Variants in VWC2 observed in about 807,000 individuals in gnomAD.
VWC2 encodes the protein von Willebrand factor C domain containing 2.
VWC2 carries 14 observed loss-of-function variants against 29.8 expected under a neutral mutation model. That is an observed-to-expected ratio of 0.47 (90% CI 0.31 to 0.74). The LOEUF is 0.74. Ranked by LOEUF, VWC2 falls within the 30% of genes least tolerant of loss-of-function variation. The pLI, the probability that VWC2 is intolerant of heterozygous loss-of-function variation, is 0.05. For missense variants in VWC2, 457 were observed against 459.8 expected (o/e 0.99, Z 0.05); for synonymous variants, 213 against 199.0 (o/e 1.07, Z -0.59).
At chr7:49,781,232 G>A (rs904695957) in intron 2 of VWC2, among the ~76,000 whole-genome samples, 6 of 151,808 alleles carry the variant, frequency 4.0e-5, no homozygotes, top group African/African-American at 1.5e-4. Context: ...TGTGTCTAAA[G>A]CCATTTAAAC....
rs10282284 is a variant in VWC2 at position 49,803,316 on chromosome 7, T to C, written c.826+476T>C. Among the ~76,000 whole-genome samples, 889 of 152,334 alleles carry C rather than the reference T, an allele frequency of 5.8e-3. 4 individuals carry two copies. Among genetic ancestry groups the C allele is most frequent in the Admixed American group, 8.3e-3 (127 of 15,304 alleles). On this transcript the variant is annotated intron_variant, in intron 3 of 3. Transcript: ENST00000340652. ...GGTAGATCAGAAGCCTTGCTTACTT[T>C]ATGAAAATGAAGTGGCAGGATGTCC...
At chr7:49,846,257 C>T (rs1397132236) in intron 3 of VWC2, among the ~76,000 whole-genome samples, 3 of 152,096 alleles carry the variant, frequency 2.0e-5, no homozygotes, top group East Asian at 1.9e-4. Context: ...ACCTGCATGT[C>T]GCCACTTCCT....
At chr7:49,774,983 C>G (rs1049952739) in intron 1 of VWC2, among the ~76,000 whole-genome samples, 1 of 152,174 alleles carries the variant, frequency 6.6e-6, no homozygotes, top group Non-Finnish European at 1.5e-5. Flanking sequence ...GGGAGGGACA[C>G]CCTGGGTGCC....
At chr7:49,778,511 T>A (rs1360403785) in intron 2 of VWC2, among the ~76,000 whole-genome samples, 2 of 152,250 alleles carry the variant, frequency 1.3e-5, no homozygotes, top group Admixed American at 1.3e-4. Context: ...AGAGCATGTT[T>A]GCTCATTTTT....
At chr7:49,788,117 T>C (rs1212021608) in intron 2 of VWC2, among the ~76,000 whole-genome samples, 1 of 152,210 alleles carries the variant, frequency 6.6e-6, no homozygotes, top group African/African-American at 2.4e-5. Flanking sequence ...CAAGAAGAGA[T>C]TCAGGGCCAG....
At chr7:49,888,449 A>AT (rs1791990354) in intron 3 of VWC2, among the ~76,000 whole-genome samples, 2 of 152,092 alleles carry the variant, frequency 1.3e-5, no homozygotes, top group South Asian at 2.1e-4. Flanking sequence ...AGTAATATTG[A>AT]TTTTTTTCTA....
intron 3 of VWC2, among the ~76,000 whole-genome samples, chr7:49,882,536 CAGAG>C (rs973889003): frequency 3.3e-5 from 5 of 151,658 alleles, no homozygotes; most frequent in Admixed American, 2.0e-4. Context: ...GAGGGACACA[CAGAG>C]AGAGAGACAG....
chr7:49,859,663 G>A (rs568077712), intron 3 of VWC2, among the ~76,000 whole-genome samples: 2 of 152,346 alleles, frequency 1.3e-5, no homozygotes, highest in South Asian at 2.1e-4. Flanking sequence ...TCTCTAAAGT[G>A]CTATAGATTT....
chr7:49,892,091 C>T (rs943499775), intron 3 of VWC2, among the ~76,000 whole-genome samples: 3 of 109,066 alleles, frequency 2.8e-5, no homozygotes, highest in Admixed American at 2.9e-4. Context: ...GTGGCCCAGG[C>T]GGGAGTGCAG....
intron 2 of VWC2, among the ~76,000 whole-genome samples, chr7:49,778,364 C>T (rs1240767958): frequency 6.6e-6 from 1 of 152,194 alleles, no homozygotes; most frequent in Non-Finnish European, 1.5e-5. Flanking sequence ...CTTCAAATGA[C>T]GTTTCATTCT....
chr7:49,885,890 C>G (rs1046339420), intron 3 of VWC2, among the ~76,000 whole-genome samples: 1 of 152,220 alleles, frequency 6.6e-6, no homozygotes, highest in Non-Finnish European at 1.5e-5. Flanking sequence ...CTTGGCATGG[C>G]AGAGGAGGAG....
intron 3 of VWC2, among the ~76,000 whole-genome samples, chr7:49,843,690 A>G (rs915235914): frequency 2.6e-5 from 4 of 152,240 alleles, no homozygotes; most frequent in Non-Finnish European, 4.4e-5. Flanking sequence ...GTTGGGGAGC[A>G]GCAACAGCTG....
At chr7:49,856,477 T>C in intron 3 of VWC2, among the ~76,000 whole-genome samples, 1 of 152,190 alleles carries the variant, frequency 6.6e-6, no homozygotes, top group African/African-American at 2.4e-5. Context: ...ATGAGCCAAA[T>C]ATACTTCTTT....
At chr7:49,858,212 C>A (rs1424962374) in intron 3 of VWC2, among the ~76,000 whole-genome samples, 2 of 152,026 alleles carry the variant, frequency 1.3e-5, no homozygotes, top group Admixed American at 1.3e-4. Flanking sequence ...TGGGTATATA[C>A]CCAAAGGATT....
chr7:49,893,542 A>G (rs1792234240), intron 3 of VWC2, among the ~76,000 whole-genome samples: 1 of 152,190 alleles, frequency 6.6e-6, no homozygotes, highest in Non-Finnish European at 1.5e-5. Flanking sequence ...CTAGGAAAAC[A>G]CACATGTCCA....
At chr7:49,789,340 A>T (rs78687056) in intron 2 of VWC2, among the ~76,000 whole-genome samples, 10,356 of 146,950 alleles carry the variant, frequency 0.07, 1,055 homozygotes, top group African/African-American at 0.23. Context: ...GGTGCGTGTG[A>T]GTGTATATGT....
intron 3 of VWC2, among the ~76,000 whole-genome samples, chr7:49,879,253 T>C (rs1374623247): frequency 2.0e-5 from 3 of 152,220 alleles, no homozygotes; most frequent in Non-Finnish European, 2.9e-5. Flanking sequence ...GCAAATCTAA[T>C]TGAAATTCTG....
chr7:49,784,602 T>C (rs1455244642), intron 2 of VWC2, among the ~76,000 whole-genome samples: 1 of 152,198 alleles, frequency 6.6e-6, no homozygotes, highest in Non-Finnish European at 1.5e-5. Context: ...AATGGGACAG[T>C]GTAGGCAAAC....
intron 2 of VWC2, among the ~76,000 whole-genome samples, chr7:49,783,162 GA>G (rs1185332819): frequency 6.6e-6 from 1 of 152,122 alleles, no homozygotes; most frequent in African/African-American, 2.4e-5. Context: ...AGTCCCAACG[GA>G]AACATTATTC....
Sources: gnomAD v4.1 joint callset for allele counts (sites outside exome capture counted in the v4.1 genomes callset) on GRCh38, gnomAD v4.1.1 for gene constraint, MANE v1.5 for transcripts, NCBI Gene and HGNC (gene_info 2026-07-23, HGNC 2026-07-21) for gene names.